Variants in CREB5 observed in about 807,000 individuals in gnomAD.
CREB5 encodes the protein cyclic AMP-responsive element-binding protein 5.
A neutral mutation model predicts 57.1 loss-of-function variants in CREB5; 19 were observed. The observed-to-expected ratio is 0.33, with a 90% CI of 0.23 to 0.49. CREB5 has a LOEUF of 0.49. Among genes scored for constraint, CREB5 ranks in the 20% least tolerant of loss-of-function variants. The pLI, the probability that CREB5 is intolerant of heterozygous loss-of-function variation, is 0.99. For synonymous variants in CREB5, 238 were observed against 238.3 expected, an observed-to-expected ratio of 1.00 and a Z score of 0.01; for missense variants, 579 against 671.6, an observed-to-expected ratio of 0.86 and a Z score of 1.52.
chr7:28,556,710 T>G (rs1379094288), intron 4 of CREB5, among the ~76,000 whole-genome samples: 5 of 152,210 alleles, frequency 3.3e-5, no homozygotes, highest in Non-Finnish European at 5.9e-5. Flanking sequence ...CCTTTTTGAC[T>G]CTGTTCTTGC....
At chr7:28,422,800 C>T (rs1266935641) in intron 1 of CREB5, among the ~76,000 whole-genome samples, 1 of 152,148 alleles carries the variant, frequency 6.6e-6, no homozygotes, top group African/African-American at 2.4e-5. Flanking sequence ...ATTGGATTCT[C>T]ATTTATGTTT....
chr7:28,718,898 C>G lies in CREB5; in HGVS notation c.591+19C>G. 6.2e-7 allele frequency: 1 copy of G among 1,613,840 alleles called. No individual in the cohort carries two copies. The highest frequency in any genetic ancestry group is 1.1e-5 in the South Asian group (1 of 91,056). On this transcript the variant is annotated intron_variant, in intron 6 of 10. Coordinates refer to ENST00000357727, the MANE Select transcript of CREB5 (RefSeq NM_182898.4). ...GATGCCAGTAAGTGTTTCTGTGTGT[C>G]TCACAATAGCTTGTCACTTGCACTG...
intron 7 of CREB5, among the ~76,000 whole-genome samples, chr7:28,765,568 A>T (rs1272442170): frequency 6.6e-6 from 1 of 152,194 alleles, no homozygotes; most frequent in Non-Finnish European, 1.5e-5. Flanking sequence ...TGGAGCCATG[A>T]TATAGGTAGA....
chr7:28,429,876 G>A (rs866461377), intron 1 of CREB5, among the ~76,000 whole-genome samples: 12 of 152,222 alleles, frequency 7.9e-5, no homozygotes, highest in Admixed American at 3.9e-4. Flanking sequence ...GCGTTGTGTC[G>A]GGATCTGAGC....
At chr7:28,657,234 C>A (rs908616507) in intron 5 of CREB5, among the ~76,000 whole-genome samples, 8 of 152,114 alleles carry the variant, frequency 5.3e-5, no homozygotes, top group Non-Finnish European at 4.4e-5. Flanking sequence ...GTGATAGTTA[C>A]AAGTTTCAAG....
At chr7:28,467,487 A>G (rs1174409752) in intron 1 of CREB5, among the ~76,000 whole-genome samples, 3 of 152,170 alleles carry the variant, frequency 2.0e-5, no homozygotes. Context: ...TTTGCTGTGC[A>G]TTCTAGGGTA....
At chr7:28,704,137 C>T (rs1023583254) in intron 5 of CREB5, among the ~76,000 whole-genome samples, 4 of 152,198 alleles carry the variant, frequency 2.6e-5, no homozygotes, top group Non-Finnish European at 1.5e-5. Flanking sequence ...GGGGACCTGT[C>T]CTACCTCTCC....
intron 1 of CREB5, among the ~76,000 whole-genome samples, chr7:28,471,759 G>C (rs959412615): frequency 5.3e-5 from 8 of 151,804 alleles, no homozygotes; most frequent in African/African-American, 1.9e-4. Context: ...CACACTTCCA[G>C]ATATACTTGT....
chr7:28,417,336 A>G (rs1318306199), intron 1 of CREB5, among the ~76,000 whole-genome samples: 6 of 150,056 alleles, frequency 4.0e-5, no homozygotes, highest in Admixed American at 3.3e-4. Flanking sequence ...ACTACTTTAC[A>G]TTCTCTCTTT....
intron 4 of CREB5, among the ~76,000 whole-genome samples, chr7:28,518,339 G>A (rs1446314508): frequency 6.6e-6 from 1 of 152,212 alleles, no homozygotes; most frequent in Non-Finnish European, 1.5e-5. Flanking sequence ...GTCGTGTTTT[G>A]TGTGAATGTC....
chr7:28,714,863 G>A (rs1470519270), intron 5 of CREB5, among the ~76,000 whole-genome samples: 3 of 152,126 alleles, frequency 2.0e-5, no homozygotes, highest in East Asian at 1.9e-4. Flanking sequence ...TTTTTAGTAG[G>A]AATACTTTAC....
At chr7:28,808,877 G>A (rs1220607047) in intron 8 of CREB5, among the ~76,000 whole-genome samples, 1 of 152,022 alleles carries the variant, frequency 6.6e-6, no homozygotes, top group Non-Finnish European at 1.5e-5. Context: ...AGTTGAAGGA[G>A]AAAAATAAAT....
chr7:28,630,090 C>T (rs535698905), intron 5 of CREB5, among the ~76,000 whole-genome samples: 7 of 152,334 alleles, frequency 4.6e-5, no homozygotes, highest in African/African-American at 1.4e-4. Flanking sequence ...CATGTGATGG[C>T]TACTTGGACA....
At chr7:28,437,784 GC>G (rs1193550532) in intron 1 of CREB5, among the ~76,000 whole-genome samples, 4 of 152,048 alleles carry the variant, frequency 2.6e-5, no homozygotes, top group Non-Finnish European at 4.4e-5. Flanking sequence ...TATAAACAAT[GC>G]CATATTATCC....
chr7:28,816,126 G>GT lies in CREB5; in HGVS notation c.1255-1936dup, dbSNP rs1288628274. Among the ~76,000 whole-genome samples the GT allele has an allele frequency of 4.7e-3, 698 of 149,724 alleles. 7 individuals carry two copies. The highest frequency in any genetic ancestry group is 0.016 in the African/African-American group (660 of 40,656). ...TTCCTTTCTTGGTTTTTGTTTGGTT[G>GT]TTTTTTTTTAACCAGAGATTGCCTT... is the stretch of plus-strand genomic sequence containing the variant. On this transcript the variant is annotated intron_variant, in intron 9 of 10. Transcript: ENST00000357727.
At chr7:28,761,871 T>C (rs1162690354) in intron 7 of CREB5, among the ~76,000 whole-genome samples, 1 of 152,170 alleles carries the variant, frequency 6.6e-6, no homozygotes, top group Non-Finnish European at 1.5e-5. Context: ...AATATTTAAA[T>C]CATTTTTAAA....
intron 1 of CREB5, among the ~76,000 whole-genome samples, chr7:28,301,824 G>A (rs1255664018): frequency 6.6e-6 from 1 of 152,104 alleles, no homozygotes; most frequent in Admixed American, 6.5e-5. Context: ...GAGTTCCCGG[G>A]GTTACTAATG....
At chr7:28,806,461 A>G (rs1051791473) in intron 8 of CREB5, among the ~76,000 whole-genome samples, 3 of 152,218 alleles carry the variant, frequency 2.0e-5, no homozygotes, top group Non-Finnish European at 4.4e-5. Flanking sequence ...GAACTCTGAG[A>G]TTCTAAGGTG....
chr7:28,775,092 A>C (rs1394307197), intron 7 of CREB5, among the ~76,000 whole-genome samples: 2 of 152,198 alleles, frequency 1.3e-5, no homozygotes, highest in African/African-American at 4.8e-5. Flanking sequence ...TGTCCTTTGA[A>C]TTCTGCATTT....
Sources: gnomAD v4.1 joint callset for allele counts (sites outside exome capture counted in the v4.1 genomes callset) on GRCh38, gnomAD v4.1.1 for gene constraint, MANE v1.5 for transcripts, NCBI Gene and HGNC (gene_info 2026-07-23, HGNC 2026-07-21) for gene names.